IQSEC1: variants seen among roughly 807,000 people sequenced by gnomAD.
IQSEC1 encodes IQ motif and SEC7 domain-containing protein 1.
In IQSEC1, 31 loss-of-function variants were observed where a neutral mutation model predicts 91.0. The ratio of observed to expected loss-of-function variants is 0.34; its 90% CI spans 0.26 to 0.46. The LOEUF (loss-of-function observed/expected upper bound fraction) is 0.46, where lower values mean the gene tolerates loss of function less well. Ranked by LOEUF, IQSEC1 falls within the 20% of genes least tolerant of loss-of-function variation. The pLI is 1.00. For synonymous variants in IQSEC1, 699 were observed against 662.6 expected (o/e 1.05, Z -0.84); for missense variants, 1,388 against 1,575.6 (o/e 0.88, Z 2.02).
intron 2 of IQSEC1, among the ~76,000 whole-genome samples, chr3:13,143,882 T>C (rs1481923787): frequency 6.6e-6 from 1 of 152,150 alleles, no homozygotes; most frequent in East Asian, 1.9e-4. Context: ...GATTTTTTAG[T>C]TGCATAAATC....
intron 1 of IQSEC1, among the ~76,000 whole-genome samples, chr3:12,988,332 T>G (rs1176409606): frequency 6.6e-6 from 1 of 152,120 alleles, no homozygotes; most frequent in Non-Finnish European, 1.5e-5. Context: ...GGAGAATTGC[T>G]TGAACCCGGG....
intron 1 of IQSEC1, among the ~76,000 whole-genome samples, chr3:13,238,679 G>C (rs1694972685): frequency 1.3e-5 from 2 of 152,166 alleles, no homozygotes; most frequent in Non-Finnish European, 2.9e-5. Flanking sequence ...CCTGGGCGCT[G>C]GGCCATCCTC....
chr3:12,987,323 G>A (rs568521199), intron 1 of IQSEC1, among the ~76,000 whole-genome samples: 3 of 152,354 alleles, frequency 2.0e-5, no homozygotes, highest in Non-Finnish European at 4.4e-5. Flanking sequence ...GGTATGGTAC[G>A]TGCTGGGGGC....
intron 13 of IQSEC1, 135 bp downstream of exon 13, chr3:12,902,638 A>C: frequency 3.0e-6 from 2 of 664,106 alleles, no homozygotes; most frequent in East Asian, 2.7e-5. Flanking sequence ...AGGGGAAGGA[A>C]AAGCCAAAAA....
intron 2 of IQSEC1, among the ~76,000 whole-genome samples, chr3:13,126,261 A>C (rs1706511761): frequency 6.6e-6 from 1 of 152,192 alleles, no homozygotes; most frequent in South Asian, 2.1e-4. Context: ...ACTTGTTTAT[A>C]AACGGGATCA....
intron 1 of IQSEC1, among the ~76,000 whole-genome samples, chr3:13,192,341 A>G (rs1198148569): frequency 3.3e-5 from 5 of 150,760 alleles, no homozygotes; most frequent in African/African-American, 1.2e-4. Context: ...CTGTCTCAAA[A>G]AAAAAAAAAA....
intron 2 of IQSEC1, among the ~76,000 whole-genome samples, chr3:13,126,008 C>A (rs562497636): frequency 1.3e-5 from 2 of 152,310 alleles, no homozygotes; most frequent in African/African-American, 4.8e-5. Flanking sequence ...TAAAGGGAAA[C>A]TTTCATTTGT....
intron 1 of IQSEC1, 42 bp downstream of exon 1, chr3:13,072,950 C>T: frequency 3.9e-6 from 6 of 1,533,764 alleles, no homozygotes; most frequent in Non-Finnish European, 5.3e-6. Context: ...CCGGGCCCCT[C>T]TGGCCTCTGG....
At chr3:12,946,906 C>T (rs1338978589) in intron 1 of IQSEC1, among the ~76,000 whole-genome samples, 1 of 152,238 alleles carries the variant, frequency 6.6e-6, no homozygotes, top group Non-Finnish European at 1.5e-5. Flanking sequence ...GCCCTACCCA[C>T]TCCTCCCTGG....
rs165571 is a variant in IQSEC1, at chr3:13,008,594, T to A, written c.23+64398A>T. Among the ~76,000 whole-genome samples, 1 of 151,726 alleles carries A rather than the reference T, an allele frequency of 6.6e-6. No homozygotes were observed. The highest frequency in any genetic ancestry group is 2.4e-5 in the African/African-American group (1 of 41,114). ...CAGCCTCCTGCTTCATTTTCCTGAC[T>A]GTGATGTTGGAAATGCTCGTTTGTG... On this transcript the variant is annotated intron_variant, in intron 1 of 13. Transcript: ENST00000613206. This position sits in a 1 kb window ranked among gnomAD's most constrained non-coding sequence, Gnocchi z 4.1.
chr3:13,120,204 C>T (rs1289276211), intron 2 of IQSEC1, among the ~76,000 whole-genome samples: 1 of 152,222 alleles, frequency 6.6e-6, no homozygotes, highest in African/African-American at 2.4e-5. Context: ...AGGGACAGGA[C>T]AAAGACTCTG....
chr3:13,278,051 C>T (rs1302897921), intron 1 of IQSEC1, among the ~76,000 whole-genome samples: 9 of 152,210 alleles, frequency 5.9e-5, no homozygotes, highest in Non-Finnish European at 1.2e-4. Context: ...AACTGACGTG[C>T]CGCCGTACGG....
intron 1 of IQSEC1, among the ~76,000 whole-genome samples, chr3:13,234,895 A>G (rs1694900360): frequency 6.6e-6 from 1 of 152,156 alleles, no homozygotes; most frequent in Non-Finnish European, 1.5e-5. Context: ...CTGTACACAC[A>G]GTGTTGGTTG....
intron 1 of IQSEC1, among the ~76,000 whole-genome samples, chr3:13,238,888 A>T (rs1382829896): frequency 6.6e-6 from 1 of 152,092 alleles, no homozygotes; most frequent in Non-Finnish European, 1.5e-5. Context: ...GTGGCCCCAC[A>T]TGCTTCTCCT....
chr3:13,075,431 T>G (rs900328573), upstream of IQSEC1, among the ~76,000 whole-genome samples: 1 of 152,230 alleles, frequency 6.6e-6, no homozygotes. Context: ...CAACTAGCGA[T>G]TCTCTTCTCA....
rs557719973 is a variant in IQSEC1, at chr3:13,115,534, G to A, written c.302+48570C>T. Among the ~76,000 whole-genome samples the A allele has an allele frequency of 2.0e-5, 3 of 152,350 alleles. No individual in the cohort carries two copies. The East Asian group carries it at 5.8e-4, about 29-fold the overall frequency. On this transcript the variant is annotated intron_variant, in intron 2 of 15. Coordinates refer to the IQSEC1 transcript ENST00000648114. ...GCACTTTACCATGGTGGCCATGGAT[G>A]AGTCTTCCCACCTCTTGCCCTATTT...
At chr3:13,125,754 G>A (rs1335315450) in intron 2 of IQSEC1, among the ~76,000 whole-genome samples, 1 of 152,208 alleles carries the variant, frequency 6.6e-6, no homozygotes, top group Non-Finnish European at 1.5e-5. Flanking sequence ...CAGAAGGAAT[G>A]TAGACTCCAG....
chr3:12,996,129 C>T (rs910008972), intron 1 of IQSEC1, among the ~76,000 whole-genome samples: 1 of 152,212 alleles, frequency 6.6e-6, no homozygotes, highest in Non-Finnish European at 1.5e-5. Context: ...CCACTGCACT[C>T]CAGCCTGGGC....
chr3:13,273,545 C>T (rs946554016), intron 1 of IQSEC1, among the ~76,000 whole-genome samples: 8 of 152,172 alleles, frequency 5.3e-5, no homozygotes, highest in Non-Finnish European at 8.8e-5. Flanking sequence ...TCTGAACTGG[C>T]GATTGTTGGG....
Sources: allele counts gnomAD v4.1 joint callset (sites outside exome capture counted in the v4.1 genomes callset), GRCh38; gene constraint gnomAD v4.1.1; non-coding constraint Gnocchi (gnomAD v3.1); transcripts MANE v1.5; gene names NCBI Gene and HGNC (gene_info 2026-07-23, HGNC 2026-07-21).